TMEM114: variants seen among roughly 807,000 people sequenced by gnomAD.
TMEM114 encodes transmembrane protein 114, also known as claudin-26.
Under a neutral mutation model 6.2 loss-of-function variants are expected in TMEM114, and 6 were observed. The observed-to-expected ratio is 0.97, with a 90% CI of 0.53 to 1.91. The LOEUF is 1.91. Among genes scored for constraint, TMEM114 ranks in the 40% most tolerant of loss-of-function variants. The pLI, the probability that TMEM114 is intolerant of heterozygous loss-of-function variation, is 0.01. For synonymous variants in TMEM114, 104 were observed against 73.0 expected, an observed-to-expected ratio of 1.42 and a Z score of -2.16; for missense variants, 218 against 158.3, an observed-to-expected ratio of 1.38 and a Z score of -2.02.
intron 2 of TMEM114, among the ~76,000 whole-genome samples, chr16:8,540,387 T>A (rs1175777904): frequency 1.3e-5 from 2 of 152,174 alleles, no homozygotes; most frequent in Admixed American, 6.5e-5. Flanking sequence ...AACCTCAGTT[T>A]CCTCAACTGT....
At chr16:8,576,495 A>AGG (rs1901934289) in intron 2 of TMEM114, among the ~76,000 whole-genome samples, 1 of 152,220 alleles carries the variant, frequency 6.6e-6, no homozygotes, top group Non-Finnish European at 1.5e-5. Flanking sequence ...GGCAGGGGCC[A>AGG]GGGGCTCTCC....
At chr16:8,542,142 T>TGGGG (rs75052886) in intron 2 of TMEM114, among the ~76,000 whole-genome samples, 41 of 150,234 alleles carry the variant, frequency 2.7e-4, no homozygotes, top group African/African-American at 9.8e-4. Flanking sequence ...GGATGATTCG[T>TGGGG]GGGGGGGGGT....
chr16:8,536,829 G>C (rs751680513), downstream of TMEM114, among the ~76,000 whole-genome samples: 2 of 152,128 alleles, frequency 1.3e-5, no homozygotes, highest in Non-Finnish European at 2.9e-5. Flanking sequence ...AAAAGGCAGA[G>C]CAGGTGTGAA....
chr16:8,556,558 A>G (rs528313454), intron 2 of TMEM114, among the ~76,000 whole-genome samples: 4 of 151,980 alleles, frequency 2.6e-5, no homozygotes, highest in East Asian at 3.9e-4. Context: ...CTGGAGTGCA[A>G]TGGCGTGATC....
At chr16:8,560,200 GTTGCT>G (rs1307654223) in intron 2 of TMEM114, among the ~76,000 whole-genome samples, 1 of 151,730 alleles carries the variant, frequency 6.6e-6, no homozygotes, top group Non-Finnish European at 1.5e-5. Context: ...GTCTTGCTAT[GTTGCT>G]TAGGCTGGGC....
downstream of TMEM114, among the ~76,000 whole-genome samples, chr16:8,534,221 C>T (rs1900292308): frequency 6.6e-6 from 1 of 152,118 alleles, no homozygotes; most frequent in African/African-American, 2.4e-5. Context: ...TAAGGATGTG[C>T]CGGACAAAAC....
At chr16:8,582,218 G>A (rs1053449604) in intron 2 of TMEM114, among the ~76,000 whole-genome samples, 1 of 152,176 alleles carries the variant, frequency 6.6e-6, no homozygotes, top group Non-Finnish European at 1.5e-5. Flanking sequence ...TGACCTCTCT[G>A]GGTCTGTTGT....
At chr16:8,567,402 A>G (rs1901581341), downstream of TMEM114, among the ~76,000 whole-genome samples, 1 of 152,224 alleles carries the variant, frequency 6.6e-6, no homozygotes, top group African/African-American at 2.4e-5. Flanking sequence ...AGCATTTATC[A>G]AATGCATGAA....
intron 2 of TMEM114, among the ~76,000 whole-genome samples, chr16:8,579,659 T>G (rs1049896005): frequency 2.6e-5 from 4 of 152,174 alleles, no homozygotes; most frequent in Admixed American, 6.5e-5. Context: ...AATTGGACTC[T>G]GACCTTGCAG....
chr16:8,536,615 C>G (rs993668675), downstream of TMEM114, among the ~76,000 whole-genome samples: 1 of 152,054 alleles, frequency 6.6e-6, no homozygotes, highest in African/African-American at 2.4e-5. Context: ...ATTCTTGCAC[C>G]CTTAAGTTCA....
intron 2 of TMEM114, among the ~76,000 whole-genome samples, chr16:8,560,341 G>A (rs1239926766): frequency 6.6e-6 from 1 of 152,016 alleles, no homozygotes; most frequent in Non-Finnish European, 1.5e-5. Context: ...CTGAGTTTCT[G>A]TTGGCTTGTC....
chr16:8,569,135 C>A (rs1901635773), downstream of TMEM114, among the ~76,000 whole-genome samples: 1 of 152,148 alleles, frequency 6.6e-6, no homozygotes, highest in Non-Finnish European at 1.5e-5. Context: ...GGATGGGGAG[C>A]CCATTCCCAG....
At chr16:8,527,724 C>T in the TMEM114 span, among the ~76,000 whole-genome samples, 1 of 152,154 alleles carries the variant, frequency 6.6e-6, no homozygotes, top group Non-Finnish European at 1.5e-5. Context: ...GGTTTAGTAA[C>T]TTGTCCAAAG....
At chr16:8,531,036 G>A in the TMEM114 span, among the ~76,000 whole-genome samples, 29 of 152,144 alleles carry the variant, frequency 1.9e-4, no homozygotes, top group Non-Finnish European at 3.1e-4. Flanking sequence ...AAAACAGGAC[G>A]GAGGGAAGAA....
intron 2 of TMEM114, among the ~76,000 whole-genome samples, chr16:8,563,639 A>G (rs904279471): frequency 9.4e-4 from 117 of 123,998 alleles, no homozygotes; most frequent in Non-Finnish European, 9.0e-4. Flanking sequence ...GTGAATGAGT[A>G]AATGAGTGAG....
chr16:8,565,235 A>C (rs1901501891), downstream of TMEM114, among the ~76,000 whole-genome samples: 1 of 152,184 alleles, frequency 6.6e-6, no homozygotes, highest in Non-Finnish European at 1.5e-5. Context: ...GAATGAATGA[A>C]GCATGGGACA....
intron 2 of TMEM114, among the ~76,000 whole-genome samples, chr16:8,581,276 A>G (rs984424346): frequency 6.6e-6 from 1 of 152,204 alleles, no homozygotes; most frequent in Admixed American, 6.5e-5. Context: ...TAACACTAAT[A>G]TGCATTAGTA....
At chr16:8,538,306 G>A (rs58683758) in intron 2 of TMEM114, among the ~76,000 whole-genome samples, 13,416 of 150,740 alleles carry the variant, frequency 0.089, 735 homozygotes, top group Middle Eastern at 0.19. Context: ...AAAAAAAAAA[G>A]ACAGACATAT....
chr16:8,579,139 C>T (rs1902045196), intron 2 of TMEM114, among the ~76,000 whole-genome samples: 1 of 152,106 alleles, frequency 6.6e-6, no homozygotes, highest in South Asian at 2.1e-4. Flanking sequence ...CAAAAACAAA[C>T]AGAAAAAGTG....
Sources: gnomAD v4.1 joint callset for allele counts (sites outside exome capture counted in the v4.1 genomes callset) on GRCh38, gnomAD v4.1.1 for gene constraint, MANE v1.5 for transcripts, NCBI Gene and HGNC (gene_info 2026-07-23, HGNC 2026-07-21) for gene names.